Variants in PCDH15 observed in about 807,000 individuals in gnomAD.
PCDH15 encodes protocadherin related 15.
In PCDH15, 129 loss-of-function variants were observed where a neutral mutation model predicts 178.5. That is an observed-to-expected ratio of 0.72 (90% CI 0.63 to 0.84). The LOEUF is 0.84. PCDH15 is among the 40% of genes least tolerant of loss of function. PCDH15 has a pLI of 0.00. For missense variants in PCDH15, 2,230 were observed against 2,099.9 expected, an observed-to-expected ratio of 1.06 and a Z score of -1.21; for synonymous variants, 800 against 732.0, an observed-to-expected ratio of 1.09 and a Z score of -1.50.
chr10:55,516,843 A>C (rs531871891), intron 2 of PCDH15, among the ~76,000 whole-genome samples: 247 of 152,230 alleles, frequency 1.6e-3, no homozygotes, highest in African/African-American at 5.7e-3. Context: ...TTTTTTTGTG[A>C]ATTTGATCAC....
chr10:54,427,969 A>G (rs1484805874), intron 3 of PCDH15, among the ~76,000 whole-genome samples: 1 of 152,240 alleles, frequency 6.6e-6, no homozygotes, highest in Non-Finnish European at 1.5e-5. Context: ...ACAAAGTCAT[A>G]ACAAAACAAC....
At chr10:54,212,322 T>A (rs1242029112) in intron 10 of PCDH15, among the ~76,000 whole-genome samples, 3 of 152,110 alleles carry the variant, frequency 2.0e-5, no homozygotes, top group Non-Finnish European at 4.4e-5. Flanking sequence ...AGTGGTGTTT[T>A]TTGTTGAATA....
chr10:55,151,691 T>C (rs974021135), intron 2 of PCDH15, among the ~76,000 whole-genome samples: 13 of 152,150 alleles, frequency 8.5e-5, no homozygotes, highest in African/African-American at 2.9e-4. Flanking sequence ...AAACAGATTT[T>C]TGCAGACTAA....
At chr10:54,727,783 C>A (rs568918278) in intron 1 of PCDH15, among the ~76,000 whole-genome samples, 21 of 151,520 alleles carry the variant, frequency 1.4e-4, no homozygotes, top group African/African-American at 5.1e-4. Context: ...ATAAAACAAA[C>A]CCTCAGAGAA....
chr10:55,160,154 T>C (rs1370034120), intron 2 of PCDH15, among the ~76,000 whole-genome samples: 1 of 152,162 alleles, frequency 6.6e-6, no homozygotes, highest in African/African-American at 2.4e-5. Context: ...AAATTTGTGC[T>C]TCTGAGAAAG....
chr10:54,841,216 T>C (rs1791215436), intron 3 of PCDH15, among the ~76,000 whole-genome samples: 1 of 151,808 alleles, frequency 6.6e-6, no homozygotes, highest in African/African-American at 2.4e-5. Flanking sequence ...TTATATGAAG[T>C]ATGTTTCTGA....
chr10:54,503,597 T>A (rs920828537), intron 3 of PCDH15, among the ~76,000 whole-genome samples: 2 of 151,512 alleles, frequency 1.3e-5, no homozygotes, highest in South Asian at 4.1e-4. Flanking sequence ...AACCAAGAGA[T>A]CTTTGGAAAT....
At chr10:53,911,272 G>A (rs576923172) in intron 25 of PCDH15, among the ~76,000 whole-genome samples, 2 of 152,306 alleles carry the variant, frequency 1.3e-5, no homozygotes, top group East Asian at 3.9e-4. Flanking sequence ...TCAGACCACA[G>A]TGCAATCAAA....
At chr10:53,828,622 A>G in intron 30 of PCDH15, 49 bp from the exon 31 acceptor site, 1 of 1,405,930 alleles carries the variant, frequency 7.1e-7, no homozygotes, top group Non-Finnish European at 1.0e-6. Flanking sequence ...CATTAGAACT[A>G]TTGCATTAAT....
intron 2 of PCDH15, among the ~76,000 whole-genome samples, chr10:55,054,672 C>T (rs1841253088): frequency 6.6e-6 from 1 of 151,980 alleles, no homozygotes; most frequent in Non-Finnish European, 1.5e-5. Flanking sequence ...TTTTCTCTGG[C>T]AGCATTTGTT....
At chr10:54,630,724 T>C (rs1470165924) in intron 2 of PCDH15, among the ~76,000 whole-genome samples, 1 of 152,204 alleles carries the variant, frequency 6.6e-6, no homozygotes, top group South Asian at 2.1e-4. Context: ...AGATAACCTA[T>C]GGAATGGAAG....
chr10:54,270,137 A>G (rs1027780735), intron 8 of PCDH15, among the ~76,000 whole-genome samples: 1 of 152,070 alleles, frequency 6.6e-6, no homozygotes, highest in Non-Finnish European at 1.5e-5. Context: ...TTCCAACGCT[A>G]TAGATAGTGA....
At chr10:53,972,000 C>T (rs1199746970) in intron 21 of PCDH15, among the ~76,000 whole-genome samples, 1 of 152,106 alleles carries the variant, frequency 6.6e-6, no homozygotes, top group Non-Finnish European at 1.5e-5. Flanking sequence ...GCCAAAAGAA[C>T]AAAGCTGGAG....
intron 25 of PCDH15, among the ~76,000 whole-genome samples, chr10:53,927,364 CTATTATT>C (rs754600036): frequency 6.6e-6 from 1 of 152,094 alleles, no homozygotes; most frequent in Non-Finnish European, 1.5e-5. Flanking sequence ...GCCCATGTAT[CTATTATT>C]TTATTACCAC....
At chr10:54,014,112 A>T (rs1270727300) in intron 20 of PCDH15, among the ~76,000 whole-genome samples, 1 of 152,146 alleles carries the variant, frequency 6.6e-6, no homozygotes, top group East Asian at 1.9e-4. Context: ...ACAGAAATAT[A>T]AAAGAACACT....
intron 8 of PCDH15, among the ~76,000 whole-genome samples, chr10:54,282,990 G>A (rs557298004): frequency 1.3e-5 from 2 of 152,098 alleles, no homozygotes; most frequent in South Asian, 2.1e-4. Context: ...AGTAGGTAAA[G>A]TTAAAAAAGT....
chr10:55,558,532 A>C (rs1215218200), intron 2 of PCDH15, among the ~76,000 whole-genome samples: 1 of 152,152 alleles, frequency 6.6e-6, no homozygotes, highest in South Asian at 2.1e-4. Flanking sequence ...TTCTCAGGGA[A>C]TTGTTTTAAA....
At chr10:54,718,703 TTC>T (rs1491048409) in intron 1 of PCDH15, among the ~76,000 whole-genome samples, 2,554 of 143,168 alleles carry the variant, frequency 0.018, 65 homozygotes, top group African/African-American at 0.051. Flanking sequence ...TTTTTTTTTT[TTC>T]TTTTGAGATG....
chr10:54,471,079 A>C (rs958382673), intron 3 of PCDH15, among the ~76,000 whole-genome samples: 1 of 152,226 alleles, frequency 6.6e-6, no homozygotes, highest in Non-Finnish European at 1.5e-5. Flanking sequence ...AATATATTCA[A>C]TTAACATATA....
Sources: allele counts gnomAD v4.1 joint callset (sites outside exome capture counted in the v4.1 genomes callset), GRCh38; gene constraint gnomAD v4.1.1; transcripts MANE v1.5; gene names NCBI Gene and HGNC (gene_info 2026-07-23, HGNC 2026-07-21).